The following PRRC2A variants were observed in gnomAD, a reference collection of about 807,000 sequenced individuals.
The protein encoded by PRRC2A is protein PRRC2A.
Under a neutral mutation model 224.6 loss-of-function variants are expected in PRRC2A, and 59 were observed. The observed-to-expected ratio is 0.26, with a 90% CI of 0.21 to 0.33. The LOEUF is 0.33. Among genes scored for constraint, PRRC2A ranks in the 10% least tolerant of loss-of-function variants. The pLI is 1.00. For synonymous variants in PRRC2A, 1,194 were observed against 1,109.5 expected (o/e 1.08, Z -1.51); for missense variants, 3,095 against 2,880.7 (o/e 1.07, Z -1.70).
Position 31,625,247 on chromosome 6 carries a change from C to G in PRRC2A, c.540C>G (p.Asp180Glu). 1 of 1,613,208 alleles carries G rather than the reference C, an allele frequency of 6.2e-7. No homozygotes were observed. The highest frequency in any genetic ancestry group is 8.5e-7 in the Non-Finnish European group (1 of 1,180,034). Residue 180 changes from aspartate to glutamate, a missense_variant, in exon 6 of 31, where the codon GAC becomes GAG. Physicochemically the swap from Asp to Glu is conservative, Grantham distance 45. Coordinates refer to ENST00000376033, the MANE Select transcript of PRRC2A (RefSeq NM_004638.4). This position sits in a 1 kb window ranked among gnomAD's most constrained non-coding sequence, Gnocchi z 4.1. ...FPTLQAAGDQ[D>E]KAAKERESAE... ...CCCTGCAGGCGGCTGGCGACCAGGA[C>G]AAGGCTGCCAAGGAAAGGGAGTCTG...
Position 31,631,577 on chromosome 6 carries a change from C to T in PRRC2A, c.2904C>T (p.Pro968=), listed in dbSNP as rs1461706571. ...AAGTAGAAGAGCTGCCTCCCAAGCC[C>T]CTCGAACAGGGGGATGAAACCCCCA... ...PTKVEELPPK[P]LEQGDETPKP... Residue 968 remains proline (P), a synonymous_variant, in exon 16 of 31, where the codon CCC becomes CCT. Coordinates refer to ENST00000376033, the MANE Select transcript of PRRC2A (RefSeq NM_004638.4). The surrounding 1 kb of genome is among the most constrained non-coding windows in gnomAD (Gnocchi z 4.5). 1 of 1,578,352 alleles carries T rather than the reference C, an allele frequency of 6.3e-7. No individual in the cohort carries two copies. Among genetic ancestry groups the T allele is most frequent in the East Asian group, 2.3e-5 (1 of 44,410 alleles).
rs1775756204 is a variant in PRRC2A at position 31,625,129 on chromosome 6, G to A, written c.464-42G>A. Reference sequence around the variant, plus strand: ...TTCCACTTTTATAGCATGTCCTCAGGAAATGTCTTCTGTCTCCTGTTCTGC... The same window carrying A: ...TTCCACTTTTATAGCATGTCCTCAGAAAATGTCTTCTGTCTCCTGTTCTGC... On this transcript the variant is annotated intron_variant, in intron 5 of 30. Transcript: ENST00000376033. The surrounding 1 kb of genome is among the most constrained non-coding windows in gnomAD (Gnocchi z 4.1). 4 of 1,589,552 alleles carry A rather than the reference G, an allele frequency of 2.5e-6. No homozygotes were observed. In the South Asian group the frequency reaches 4.5e-5, roughly 18 times the overall value.
chr6:31,632,479 G>C lies in PRRC2A; in HGVS notation c.3806G>C (p.Arg1269Thr), dbSNP rs766765531. Residue 1269 changes from arginine (R) to threonine (T), a missense_variant, in exon 16 of 31, where the codon AGG becomes ACG. By Grantham distance (71) the Arg-to-Thr change is moderately conservative. Coordinates refer to ENST00000376033, the MANE Select transcript of PRRC2A (RefSeq NM_004638.4). ...RLKQERENAA[R>T]GSEGKPSLTL... ...AAGCAGGAACGGGAGAATGCCGCAA[G>C]GGGGTCTGAGGGCAAGCCCTCCCTA... is the stretch of plus-strand genomic sequence containing the variant. The C allele has an allele frequency of 1.3e-5, 21 of 1,606,938 alleles. No homozygotes were observed. Among genetic ancestry groups the C allele is most frequent in the South Asian group, 6.6e-5 (6 of 90,656 alleles).
intron 14 of PRRC2A, 62 bp downstream of exon 14, chr6:31,629,907 T>A: frequency 6.3e-7 from 1 of 1,596,266 alleles, no homozygotes; most frequent in Non-Finnish European, 8.5e-7. Flanking sequence ...CATTGGATAT[T>A]AGGGTCTTAC....
In PRRC2A at chr6:31,636,736, C is replaced by A. The variant is rs114580964; in HGVS notation, c.5938C>A (p.Leu1980Ile). 9.7e-4 allele frequency: 1,565 copies of A among 1,607,352 alleles called. 57 individuals carry two copies. In the East Asian group the frequency reaches 0.021, roughly 22 times the overall value. ...ACACCCAAATTTCTTGTTACAGATG[C>A]TTCTACCCATGGTAGACTCACAGCT... ...LPSGAPAQQM[L>I]LPMVDSQLPV... Residue 1980 changes from leucine (L) to isoleucine (I), a missense_variant, in exon 28 of 31, where the codon CTT becomes ATT. This residue lies in a region of PRRC2A where 662 missense variants were observed against 609.5 expected (regional missense o/e 1.09). Coordinates refer to ENST00000376033, the MANE Select transcript of PRRC2A (RefSeq NM_004638.4). This position sits in a 1 kb window ranked among gnomAD's most constrained non-coding sequence, Gnocchi z 4.3.
In PRRC2A at chr6:31,635,237, C is replaced by A. The variant is rs764176032; in HGVS notation, c.5266C>A (p.Pro1756Thr). ...EPGPIRPSHR[P>T]GPPVQFGTSD... is the part of the protein sequence containing the mutation. ...TGGCCCCATTCGGCCATCCCATCGACCTGGTCCCCCAGTCCAGTTTGGCAC... is the reference window on the plus strand; with the variant it reads ...TGGCCCCATTCGGCCATCCCATCGAACTGGTCCCCCAGTCCAGTTTGGCAC... Residue 1756 changes from proline to threonine, a missense_variant, in exon 22 of 31, where the codon CCT (proline) becomes ACT (threonine). By Grantham distance (38) the Pro-to-Thr change is conservative. Coordinates refer to ENST00000376033, the MANE Select transcript of PRRC2A (RefSeq NM_004638.4). The A allele has an allele frequency of 6.2e-7, 1 of 1,614,214 alleles. No individual in the cohort carries two copies. Among genetic ancestry groups the A allele is most frequent in the Non-Finnish European group, 8.5e-7 (1 of 1,180,032 alleles).
In PRRC2A at chr6:31,625,943, C is replaced by A; in HGVS notation, c.839+72C>A. 1 of 1,589,422 alleles carries A rather than the reference C, an allele frequency of 6.3e-7. No homozygotes were observed. The highest frequency in any genetic ancestry group is 8.6e-7 in the Non-Finnish European group (1 of 1,162,916). On this transcript the variant is annotated intron_variant, in intron 8 of 30. Coordinates refer to ENST00000376033, the MANE Select transcript of PRRC2A (RefSeq NM_004638.4). This position sits in a 1 kb window ranked among gnomAD's most constrained non-coding sequence, Gnocchi z 4.1. The stretch of plus-strand genomic sequence containing the variant: ...ATTGGGGGAGGAGATGGTTTTCTAG[C>A]CAGGAGGCTCAGTCTAGGATCAGTC...
chr6:31,621,049 A>C (rs1357941713), intron 1 of PRRC2A, among the ~76,000 whole-genome samples, 191 bp downstream of exon 1: 2 of 151,522 alleles, frequency 1.3e-5, no homozygotes, highest in Non-Finnish European at 2.9e-5. Context: ...CGGGACCCGC[A>C]CCTCCGGCAG....
intron 1 of PRRC2A, among the ~76,000 whole-genome samples, chr6:31,621,565 A>G (rs1035673891): frequency 1.5e-4 from 22 of 150,618 alleles, no homozygotes; most frequent in East Asian, 3.9e-4. Context: ...GTTTTGGTCT[A>G]TTCGCTACAT....
chr6:31,631,606 C>A lies in PRRC2A; in HGVS notation c.2933C>A (p.Pro978His). 6.5e-7 allele frequency: 1 copy of A among 1,541,416 alleles called. No homozygotes were observed. Among genetic ancestry groups the A allele is most frequent in the East Asian group, 2.3e-5 (1 of 44,072 alleles). ...GAACAGGGGGATGAAACCCCCAAAC[C>A]CCCAAAGCCAGACCCACTCAAGATA... ...PLEQGDETPK[P>H]PKPDPLKITK... Residue 978 changes from proline (P) to histidine (H), a missense_variant, in exon 16 of 31, where the codon CCC becomes CAC. Coordinates refer to ENST00000376033, the MANE Select transcript of PRRC2A (RefSeq NM_004638.4). The surrounding 1 kb of genome is among the most constrained non-coding windows in gnomAD (Gnocchi z 4.5).
intron 12 of PRRC2A, 53 bp from the exon 13 acceptor site, chr6:31,629,091 A>G (rs1331526357): frequency 2.5e-6 from 4 of 1,570,852 alleles, no homozygotes; most frequent in Middle Eastern, 1.9e-4. Flanking sequence ...TGGGGTGTTC[A>G]TGGAGTGTCT....
chr6:31,624,994 T>G, intron 5 of PRRC2A, 177 bp from the exon 6 acceptor site: 1 of 677,498 alleles, frequency 1.5e-6, no homozygotes, highest in Non-Finnish European at 2.5e-6. Flanking sequence ...AGAGATGGGG[T>G]TTCACATGTT....
In PRRC2A at chr6:31,636,663, CT is replaced by C; in HGVS notation, c.5934+58del. ...TTTGATTTCTCTGTCCAGTTGCTGG[CT>C]TTGATTTTCCCTGGTTTTCTGACAT... is the stretch of plus-strand genomic sequence containing the variant. On this transcript the variant is annotated intron_variant, in intron 27 of 30. Transcript: ENST00000376033. The surrounding 1 kb of genome is among the most constrained non-coding windows in gnomAD (Gnocchi z 4.3). 6.3e-7 allele frequency: 1 copy of C among 1,592,502 alleles called. No homozygotes were observed. The highest frequency in any genetic ancestry group is 8.6e-7 in the Non-Finnish European group (1 of 1,164,716).
At chr6:31,629,025 G>C in intron 12 of PRRC2A, 119 bp from the exon 13 acceptor site, 1 of 1,027,368 alleles carries the variant, frequency 9.7e-7, no homozygotes, top group Non-Finnish European at 1.5e-6. Context: ...CAATAGAATA[G>C]ATGTTGAATA....
In PRRC2A at chr6:31,631,161, C is replaced by T. The variant is rs1008609588; in HGVS notation, c.2488C>T (p.Pro830Ser). ...CAGGAGCGAGACTCCTCCAGTACCT[C>T]CCCCACCACCCTATCTGGCCAGTTA... ...GMRSETPPVP[P>S]PPPYLASYPG... Residue 830 changes from proline to serine, a missense_variant, in exon 16 of 31, where the codon CCC becomes TCC. Around this residue, in one of 8 missense-constraint regions of PRRC2A, gnomAD observed 2,001 missense variants for 1,764.9 expected, o/e 1.13. Coordinates refer to ENST00000376033, the MANE Select transcript of PRRC2A (RefSeq NM_004638.4). This position sits in a 1 kb window ranked among gnomAD's most constrained non-coding sequence, Gnocchi z 4.5. 1.3e-5 allele frequency: 20 copies of T among 1,540,966 alleles called. No homozygotes were observed. Among genetic ancestry groups the T allele is most frequent in the African/African-American group, 1.1e-4 (8 of 72,132 alleles).
rs1377005439 is a variant in PRRC2A, at chr6:31,620,918, T to TGGCGGTGGCGGTGGCGGC, written c.-101+71_-101+72insTGGCGGCGGCGGTGGCGG. ...TCCGGCGCGGGAGAGGTGGTGGCGG[T>TGGCGGTGGCGGTGGCGGC]GGCGGTGGCGGCGGCGGCGGCGGTG... On this transcript the variant is annotated intron_variant, in intron 1 of 30. Transcript: ENST00000376033. 491 of 155,690 alleles carry TGGCGGTGGCGGTGGCGGC rather than the reference T, an allele frequency of 3.2e-3. 5 individuals carry two copies. The highest frequency in any genetic ancestry group is 2.5e-3 in the Non-Finnish European group (178 of 70,548). The allele number at this position is 155,690 out of a possible 1,614,324, so 9.6% of individuals were successfully genotyped here. A position where few individuals can be genotyped will look rare whatever the true frequency, so the allele number is the denominator to read the frequency against.
At chr6:31,629,044 T>C in intron 12 of PRRC2A, 100 bp from the exon 13 acceptor site, 1 of 1,201,388 alleles carries the variant, frequency 8.3e-7, no homozygotes, top group Non-Finnish European at 1.2e-6. Context: ...TAGAATATTT[T>C]AGTCTTAAGG....
chr6:31,624,014 A>C, intron 3 of PRRC2A, 105 bp downstream of exon 3: 5 of 1,381,056 alleles, frequency 3.6e-6, no homozygotes, highest in Non-Finnish European at 4.9e-6. Context: ...AGAGACGAAG[A>C]GGTCCCTTTC....
At position 31,624,500 on chromosome 6, in the gene PRRC2A, C is replaced by T. The variant is rs150580937; in HGVS notation, c.441C>T (p.Val147=). 281 of 1,613,608 alleles carry T rather than the reference C, an allele frequency of 1.7e-4. No individual in the cohort carries two copies. The African/African-American group carries it at 2.6e-3, about 15-fold the overall frequency. The change falls in exon 5 of 31, where the codon GTC becomes GTT. Residue 147 remains valine (V), a synonymous_variant. Transcript: ENST00000376033. The stretch of plus-strand genomic sequence containing the variant: ...TAAAGTCCTGGGCACAAGCCAGCGT[C>T]ACCCATGGAGCACATGGAGATGGTG... ...SGVKSWAQAS[V]THGAHGDGGR...
Sources: allele counts gnomAD v4.1 joint callset (sites outside exome capture counted in the v4.1 genomes callset), GRCh38; gene constraint gnomAD v4.1.1; regional missense constraint gnomAD v4.1.1; non-coding constraint Gnocchi (gnomAD v3.1); transcripts MANE v1.5; gene names NCBI Gene and HGNC (gene_info 2026-07-23, HGNC 2026-07-21).